Variants in SOX6 observed in about 807,000 individuals in gnomAD.
The protein encoded by SOX6 is transcription factor SOX-6.
A neutral mutation model predicts 97.8 loss-of-function variants in SOX6; 11 were observed. The observed-to-expected ratio is 0.11, with a 90% CI of 0.07 to 0.19. SOX6 has a LOEUF of 0.19. Ranked by LOEUF, SOX6 falls within the 10% of genes least tolerant of loss-of-function variation. SOX6 has a pLI of 1.00. For missense variants in SOX6, 810 were observed against 1,039.5 expected, an observed-to-expected ratio of 0.78 and a Z score of 3.04; for synonymous variants, 360 against 371.4, an observed-to-expected ratio of 0.97 and a Z score of 0.35.
upstream of SOX6, among the ~76,000 whole-genome samples, chr11:16,359,386 A>T (rs1306608349): frequency 2.0e-5 from 3 of 152,128 alleles, no homozygotes; most frequent in Non-Finnish European, 4.4e-5. Flanking sequence ...AATGCAATTC[A>T]AAATAGTTTG....
chr11:16,226,682 G>C (rs1852698126), intron 4 of SOX6, among the ~76,000 whole-genome samples: 1 of 152,018 alleles, frequency 6.6e-6, no homozygotes, highest in Non-Finnish European at 1.5e-5. Context: ...ATACAGATGG[G>C]TTATGGGCCC....
At chr11:16,183,556 A>G (rs1398231621) in intron 6 of SOX6, among the ~76,000 whole-genome samples, 1 of 152,094 alleles carries the variant, frequency 6.6e-6, no homozygotes, top group Non-Finnish European at 1.5e-5. Context: ...ATGGTAAAAT[A>G]CAAAACAGAA....
intron 7 of SOX6, among the ~76,000 whole-genome samples, chr11:16,101,342 T>C (rs1848942345): frequency 6.6e-6 from 1 of 151,628 alleles, no homozygotes; most frequent in South Asian, 2.1e-4. Flanking sequence ...TGAGGACAAA[T>C]GAAAAATAAA....
chr11:16,144,631 G>A (rs1850240697), intron 6 of SOX6, among the ~76,000 whole-genome samples: 1 of 151,256 alleles, frequency 6.6e-6, no homozygotes, highest in Non-Finnish European at 1.5e-5. Context: ...AAAGAGAGAA[G>A]AATCAAATAG....
intron 3 of SOX6, among the ~76,000 whole-genome samples, chr11:16,306,439 G>GA (rs1282869679): frequency 2.0e-5 from 3 of 152,020 alleles, no homozygotes; most frequent in African/African-American, 7.2e-5. Flanking sequence ...GTATGATCCG[G>GA]AAAATGGATA....
At chr11:16,621,101 A>T (rs113662792) in intron 3 of SOX6, among the ~76,000 whole-genome samples, 8 of 152,200 alleles carry the variant, frequency 5.3e-5, no homozygotes, top group African/African-American at 1.9e-4. Flanking sequence ...GTAAACTTAC[A>T]TAAGAGGTGT....
chr11:16,648,663 C>T (rs1312579741), intron 3 of SOX6, among the ~76,000 whole-genome samples: 1 of 152,128 alleles, frequency 6.6e-6, no homozygotes, highest in African/African-American at 2.4e-5. Context: ...CTGAAATAGT[C>T]TACCCAAATG....
At chr11:16,662,235 G>C (rs1847770860) in intron 3 of SOX6, among the ~76,000 whole-genome samples, 2 of 152,164 alleles carry the variant, frequency 1.3e-5, no homozygotes, top group Admixed American at 1.3e-4. Flanking sequence ...TTGCTTGTCT[G>C]AGAAAGTCAT....
At chr11:16,146,082 C>T (rs368556923) in intron 6 of SOX6, among the ~76,000 whole-genome samples, 21 of 152,112 alleles carry the variant, frequency 1.4e-4, no homozygotes, top group African/African-American at 2.2e-4. Context: ...GGAGGCATCA[C>T]GCTACCTGAC....
intron 4 of SOX6, among the ~76,000 whole-genome samples, chr11:16,604,121 G>C (rs1848304343): frequency 6.6e-6 from 1 of 152,246 alleles, no homozygotes; most frequent in Non-Finnish European, 1.5e-5. Flanking sequence ...CAGCTTCGCC[G>C]GCCCTTGGCC....
chr11:16,059,971 C>A (rs1275951075), intron 9 of SOX6, among the ~76,000 whole-genome samples: 1 of 151,800 alleles, frequency 6.6e-6, no homozygotes, highest in Non-Finnish European at 1.5e-5. Flanking sequence ...GGTATCATAA[C>A]CAATATATCC....
chr11:15,998,565 A>G (rs1408027113), intron 13 of SOX6, among the ~76,000 whole-genome samples: 1 of 151,976 alleles, frequency 6.6e-6, no homozygotes, highest in Non-Finnish European at 1.5e-5. Context: ...ATATAAGGTG[A>G]CAAACTGACT....
intron 1 of SOX6, among the ~76,000 whole-genome samples, chr11:16,432,292 TAAGA>T (rs1217684724): frequency 6.6e-6 from 1 of 152,118 alleles, no homozygotes. Flanking sequence ...AAAAGCTCTT[TAAGA>T]AAGTTCAGAA....
intron 4 of SOX6, among the ~76,000 whole-genome samples, chr11:16,532,452 C>T (rs1861249889): frequency 6.6e-6 from 1 of 151,850 alleles, no homozygotes; most frequent in South Asian, 2.1e-4. Context: ...AACAAATGTT[C>T]AATCCTGGTG....
At chr11:16,009,746 T>G (rs1247905822) in intron 13 of SOX6, among the ~76,000 whole-genome samples, 2 of 152,056 alleles carry the variant, frequency 1.3e-5, no homozygotes, top group Middle Eastern at 3.2e-3. Context: ...AGAGTTGCAA[T>G]GTGAAGCACT....
At chr11:16,500,174 G>A (rs1057155086) in intron 4 of SOX6, among the ~76,000 whole-genome samples, 5 of 152,072 alleles carry the variant, frequency 3.3e-5, no homozygotes, top group South Asian at 4.1e-4. Context: ...ATCAATAAAC[G>A]GAATCCAGCA....
At chr11:16,526,076 C>T (rs918509331) in intron 4 of SOX6, among the ~76,000 whole-genome samples, 13 of 152,056 alleles carry the variant, frequency 8.5e-5, no homozygotes, top group Non-Finnish European at 1.2e-4. Context: ...GTCAGTGTGG[C>T]GATTCCTCAG....
intron 6 of SOX6, among the ~76,000 whole-genome samples, chr11:16,148,800 G>A (rs1257564472): frequency 2.6e-5 from 4 of 151,682 alleles, no homozygotes; most frequent in Admixed American, 1.3e-4. Flanking sequence ...TCTAACATCA[G>A]TCCCCCACAA....
At chr11:16,499,420 C>T (rs1158764067) in intron 4 of SOX6, among the ~76,000 whole-genome samples, 1 of 152,120 alleles carries the variant, frequency 6.6e-6, no homozygotes, top group African/African-American at 2.4e-5. Context: ...AGAGAAAACA[C>T]ATTCAAAAGC....
Sources: gnomAD v4.1 joint callset for allele counts (sites outside exome capture counted in the v4.1 genomes callset) on GRCh38, gnomAD v4.1.1 for gene constraint, MANE v1.5 for transcripts, NCBI Gene and HGNC (gene_info 2026-07-23, HGNC 2026-07-21) for gene names.